GRIN2B: variants seen among roughly 807,000 people sequenced by gnomAD.
The protein encoded by GRIN2B is glutamate ionotropic receptor NMDA type subunit 2B, also known as glutamate receptor ionotropic, NMDA 2B.
GRIN2B carries 5 observed loss-of-function variants against 114.5 expected under a neutral mutation model. That is an observed-to-expected ratio of 0.04 (90% CI 0.02 to 0.09). The LOEUF (loss-of-function observed/expected upper bound fraction) is 0.09, where lower values mean the gene tolerates loss of function less well. GRIN2B is among the 10% of genes least tolerant of loss of function. The pLI is 1.00. For synonymous variants in GRIN2B, 787 were observed against 745.1 expected (o/e 1.06, Z -0.92); for missense variants, 1,108 against 1,943.5 (o/e 0.57, Z 8.08).
chr12:13,838,299 G>T (rs552906842), intron 3 of GRIN2B, among the ~76,000 whole-genome samples: 3 of 152,176 alleles, frequency 2.0e-5, no homozygotes, highest in South Asian at 2.1e-4. Flanking sequence ...CACCCTTAAA[G>T]CCCCTGATAT....
Position 13,753,680 on chromosome 12 carries a change from A to G in GRIN2B, c.647T>C (p.Ile216Thr), listed in dbSNP as rs1363660328. 1 of 1,613,846 alleles carries G rather than the reference A, an allele frequency of 6.2e-7. No individual in the cohort carries two copies. Among genetic ancestry groups the G allele is most frequent in the Non-Finnish European group, 8.5e-7 (1 of 1,179,742 alleles). Residue 216 changes from isoleucine (I) to threonine (T), a missense_variant, in exon 4 of 14, where the codon ATC becomes ACC. Physicochemically the swap from Ile to Thr is moderately conservative, Grantham distance 89 (BLOSUM62 -1). Coordinates refer to ENST00000609686, the MANE Select transcript of GRIN2B (RefSeq NM_000834.5). The surrounding 1 kb of genome is among the most constrained non-coding windows in gnomAD (Gnocchi z 6.2). ...TTGAAGTTTCTTGAGCTGATTCTGGATCTTAGAATCTCCATCGTCCAGGGA... is the reference window on the plus strand; with the variant it reads ...TTGAAGTTTCTTGAGCTGATTCTGGGTCTTAGAATCTCCATCGTCCAGGGA... ...DMSLDDGDSK[I>T]QNQLKKLQSP...
At chr12:13,803,114 C>T (rs983883021) in intron 3 of GRIN2B, among the ~76,000 whole-genome samples, 8 of 152,086 alleles carry the variant, frequency 5.3e-5, no homozygotes, top group Non-Finnish European at 1.2e-4. Flanking sequence ...TTCTTAATAA[C>T]ATTTTGTTTT....
intron 2 of GRIN2B, among the ~76,000 whole-genome samples, chr12:13,875,816 A>C (rs1042476113): frequency 3.9e-5 from 6 of 152,248 alleles, no homozygotes; most frequent in Non-Finnish European, 8.8e-5. Flanking sequence ...CTGCCTTCAC[A>C]GAATCACTGT....
intron 10 of GRIN2B, among the ~76,000 whole-genome samples, chr12:13,582,032 G>A (rs1948860160): frequency 6.6e-6 from 1 of 151,906 alleles, no homozygotes; most frequent in African/African-American, 2.4e-5. Context: ...CAATAAACAA[G>A]CCACTTAGCT....
At chr12:13,796,113 T>C (rs1045805655) in intron 3 of GRIN2B, among the ~76,000 whole-genome samples, 2 of 148,362 alleles carry the variant, frequency 1.3e-5, no homozygotes, top group Non-Finnish European at 3.0e-5. Context: ...AGCTTTCCAG[T>C]GTATGGTATG....
intron 3 of GRIN2B, among the ~76,000 whole-genome samples, chr12:13,776,104 G>A (rs537825815): frequency 1.3e-5 from 2 of 152,194 alleles, no homozygotes; most frequent in African/African-American, 4.8e-5. Context: ...CCATGAAAAG[G>A]AATGAGATCA....
At chr12:13,647,856 G>T (rs1215192594) in intron 5 of GRIN2B, among the ~76,000 whole-genome samples, 1 of 152,120 alleles carries the variant, frequency 6.6e-6, no homozygotes, top group Non-Finnish European at 1.5e-5. Context: ...AAGGTTCCAT[G>T]CTCTGGGTTA....
chr12:13,876,644 T>C (rs1865994802), intron 2 of GRIN2B, among the ~76,000 whole-genome samples: 1 of 152,188 alleles, frequency 6.6e-6, no homozygotes, highest in African/African-American at 2.4e-5. Context: ...ACAACTATCA[T>C]ATTACTGACA....
In GRIN2B at chr12:13,564,965, T is replaced by G. The variant is rs1189621720; in HGVS notation, c.2599-326A>C. ...ACTGTTGACTTACCGTGGTTTTCTA[T>G]GCCTAGATTTTCACATCTTAAAAAT... On this transcript the variant is annotated intron_variant, in intron 13 of 13. Transcript: ENST00000609686. The surrounding 1 kb of genome is among the most constrained non-coding windows in gnomAD (Gnocchi z 4.8). 2.0e-5 allele frequency among the ~76,000 whole-genome samples: 3 copies of G among 152,200 alleles called. No individual in the cohort carries two copies. The highest frequency in any genetic ancestry group is 7.2e-5 in the African/African-American group (3 of 41,446).
chr12:13,804,251 A>G (rs771811120), intron 3 of GRIN2B, among the ~76,000 whole-genome samples: 2 of 146,210 alleles, frequency 1.4e-5, no homozygotes, highest in Non-Finnish European at 3.0e-5. Flanking sequence ...TTTTCACCGT[A>G]CACTGCATTA....
chr12:13,722,607 C>G (rs929015018), intron 4 of GRIN2B, among the ~76,000 whole-genome samples: 1 of 152,002 alleles, frequency 6.6e-6, no homozygotes, highest in African/African-American at 2.4e-5. Context: ...GACTTAGCAG[C>G]AAAGAGTGCT....
chr12:13,760,830 T>C lies in GRIN2B; in HGVS notation c.412-6915A>G, dbSNP rs187957478. ...CCTCCCAAAATAAGGGGAAATACTT[T>C]CCTCTACTCACCAAATCCTAAATGA... On this transcript the variant is annotated intron_variant, in intron 3 of 13. Transcript: ENST00000609686. 1.5e-3 allele frequency among the ~76,000 whole-genome samples: 226 copies of C among 152,320 alleles called. 1 individual carries two copies. The highest frequency in any genetic ancestry group is 1.5e-4 in the Non-Finnish European group (10 of 68,028).
chr12:13,625,955 TC>T (rs1446940017), intron 5 of GRIN2B, among the ~76,000 whole-genome samples: 1 of 152,278 alleles, frequency 6.6e-6, no homozygotes, highest in East Asian at 1.9e-4. Flanking sequence ...CTAAACAGGC[TC>T]AAATAGGTGG....
Position 13,618,682 on chromosome 12 carries a change from A to G in GRIN2B, c.1126-2025T>C, listed in dbSNP as rs140751069. ...AATTGTGCCCAAATTTCTCACCTAG[A>G]TAGTCAAGGTCTGTACATTGAGTCT... is the stretch of plus-strand genomic sequence containing the variant. On this transcript the variant is annotated intron_variant, in intron 5 of 13. Coordinates refer to ENST00000609686, the MANE Select transcript of GRIN2B (RefSeq NM_000834.5). Among the ~76,000 whole-genome samples the G allele has an allele frequency of 6.7e-3, 1,017 of 152,288 alleles. 5 individuals are homozygous for G. Among genetic ancestry groups the G allele is most frequent in the Middle Eastern group, 0.024 (7 of 294 alleles).
At chr12:13,798,379 T>C (rs1864452879) in intron 3 of GRIN2B, among the ~76,000 whole-genome samples, 1 of 152,150 alleles carries the variant, frequency 6.6e-6, no homozygotes, top group Non-Finnish European at 1.5e-5. Flanking sequence ...ATATTTGTAG[T>C]TAGATGTCTT....
At chr12:13,775,739 A>G (rs940985110) in intron 3 of GRIN2B, among the ~76,000 whole-genome samples, 1 of 152,206 alleles carries the variant, frequency 6.6e-6, no homozygotes, top group African/African-American at 2.4e-5. Flanking sequence ...AATTTTCACT[A>G]ATTTGGTAGG....
intron 3 of GRIN2B, among the ~76,000 whole-genome samples, chr12:13,788,388 C>T (rs924596650): frequency 1.4e-4 from 22 of 152,144 alleles, no homozygotes; most frequent in African/African-American, 5.3e-4. Context: ...TGATTATAAC[C>T]ATTACTGATA....
intron 3 of GRIN2B, among the ~76,000 whole-genome samples, chr12:13,832,991 C>A (rs1865180568): frequency 6.6e-6 from 1 of 152,108 alleles, no homozygotes; most frequent in African/African-American, 2.4e-5. Context: ...TAAAACATAT[C>A]ATGAATAAAT....
chr12:13,953,513 C>G (rs1282218784), intron 2 of GRIN2B, among the ~76,000 whole-genome samples: 1 of 152,200 alleles, frequency 6.6e-6, no homozygotes, highest in Non-Finnish European at 1.5e-5. Flanking sequence ...AGAGCAAAAA[C>G]CTTGCAGACC....
Sources: gnomAD v4.1 joint callset for allele counts (sites outside exome capture counted in the v4.1 genomes callset) on GRCh38, gnomAD v4.1.1 for gene constraint, Gnocchi (gnomAD v3.1) non-coding constraint, MANE v1.5 for transcripts, NCBI Gene and HGNC (gene_info 2026-07-23, HGNC 2026-07-21) for gene names.